The following HMG20A variants were observed in gnomAD, a reference collection of about 807,000 sequenced individuals.
The protein encoded by HMG20A is high mobility group 20A, also known as high mobility group protein 20A.
In HMG20A, 17 loss-of-function variants were observed where a neutral mutation model predicts 43.9. The ratio of observed to expected loss-of-function variants is 0.39; its 90% CI spans 0.27 to 0.58. HMG20A has a LOEUF of 0.58. HMG20A is among the 20% of genes least tolerant of loss of function. The probability of loss-of-function intolerance (pLI) is 0.59; values close to 1 mark genes in which losing one functional copy is unlikely to be tolerated. For synonymous variants in HMG20A, 132 were observed against 147.5 expected, an observed-to-expected ratio of 0.89 and a Z score of 0.76; for missense variants, 341 against 438.2, an observed-to-expected ratio of 0.78 and a Z score of 1.98.
At chr15:77,474,525 T>C (rs1193159418) in intron 6 of HMG20A, among the ~76,000 whole-genome samples, 1 of 152,236 alleles carries the variant, frequency 6.6e-6, no homozygotes, top group African/African-American at 2.4e-5. Flanking sequence ...CCATGCTACA[T>C]AGCATAAATT....
At chr15:77,447,979 G>A (rs1290510479) in intron 1 of HMG20A, among the ~76,000 whole-genome samples, 2 of 152,150 alleles carry the variant, frequency 1.3e-5, no homozygotes, top group Admixed American at 6.5e-5. Context: ...CTGATTACAA[G>A]ACTACAGTTA....
At chr15:77,426,680 A>G (rs980539214) in intron 1 of HMG20A, among the ~76,000 whole-genome samples, 2 of 152,126 alleles carry the variant, frequency 1.3e-5, no homozygotes, top group Non-Finnish European at 2.9e-5. Flanking sequence ...ATCCTGAAAT[A>G]TACACTAAAG....
rs531063896 is a variant in HMG20A at position 77,450,141 on chromosome 15, T to G, written c.-4-8263T>G. Among the ~76,000 whole-genome samples the G allele has an allele frequency of 3.9e-5, 6 of 152,254 alleles. No homozygotes were observed. In the South Asian group the frequency reaches 1.2e-3, roughly 32 times the overall value. ...TTTTATTTATTTATTTTTTTATTTG[T>G]TTTTTTGAGACAGAGTCTTGCTTTG... On this transcript the variant is annotated intron_variant, in intron 1 of 9. Coordinates refer to ENST00000336216, the MANE Select transcript of HMG20A (RefSeq NM_001304504.2).
intron 6 of HMG20A, among the ~76,000 whole-genome samples, chr15:77,472,496 G>A (rs1443113858): frequency 1.3e-5 from 2 of 152,130 alleles, no homozygotes; most frequent in Admixed American, 1.3e-4. Context: ...GGATGGTCTC[G>A]ATCTCCTGAC....
At chr15:77,486,528 G>A (rs895863329), downstream of HMG20A, among the ~76,000 whole-genome samples, 1 of 152,090 alleles carries the variant, frequency 6.6e-6, no homozygotes, top group African/African-American at 2.4e-5. Flanking sequence ...CAAAGTGCTG[G>A]GATTACAGGC....
intron 1 of HMG20A, among the ~76,000 whole-genome samples, chr15:77,436,016 A>G (rs2073543758): frequency 6.6e-6 from 1 of 152,140 alleles, no homozygotes. Context: ...ACTATCTACT[A>G]TACTTGCTGG....
chr15:77,497,682 A>AGAGAGT, the HMG20A span, among the ~76,000 whole-genome samples: 370 of 119,064 alleles, frequency 3.1e-3, 3 homozygotes, highest in East Asian at 0.024. Flanking sequence ...AGAGAGAGAG[A>AGAGAGT]GTGTGTGTGT....
At chr15:77,499,157 C>T in the HMG20A span, among the ~76,000 whole-genome samples, 1 of 152,158 alleles carries the variant, frequency 6.6e-6, no homozygotes, top group African/African-American at 2.4e-5. Context: ...CTGTGCCTTC[C>T]GTTATTCCCA....
chr15:77,493,162 CTT>C, the HMG20A span, among the ~76,000 whole-genome samples: 1 of 152,090 alleles, frequency 6.6e-6, no homozygotes, highest in Non-Finnish European at 1.5e-5. Flanking sequence ...ATTAAACAAA[CTT>C]AAGTAGATGT....
chr15:77,453,661 T>G lies in HMG20A; in HGVS notation c.-4-4743T>G, dbSNP rs866057171. Among the ~76,000 whole-genome samples, 3 of 152,044 alleles carry G rather than the reference T, an allele frequency of 2.0e-5. No homozygotes were observed. The South Asian group carries it at 6.2e-4, about 31-fold the overall frequency. On this transcript the variant is annotated intron_variant, in intron 1 of 9. Coordinates refer to ENST00000336216, the MANE Select transcript of HMG20A (RefSeq NM_001304504.2). ...AGCAGCATTCATAATAACCAAAAAGTAGAAACAACCCAAGTCTATCAACTG... is the reference window on the plus strand; with the variant it reads ...AGCAGCATTCATAATAACCAAAAAGGAGAAACAACCCAAGTCTATCAACTG...
intron 2 of HMG20A, among the ~76,000 whole-genome samples, chr15:77,462,772 C>CTTTTTTTTTTTTTTTTTTTTTTTT (rs71145836): frequency 7.8e-6 from 1 of 127,788 alleles, no homozygotes; most frequent in Non-Finnish European, 1.6e-5. Flanking sequence ...TTTTCTTTTT[C>CTTTTTTTTTTTTTTTTTTTTTTTT]TTTTTTTTTT....
intron 1 of HMG20A, among the ~76,000 whole-genome samples, chr15:77,432,667 A>G (rs2073498403): frequency 6.7e-6 from 1 of 150,280 alleles, no homozygotes; most frequent in Admixed American, 6.7e-5. Context: ...GGTTGCAGTA[A>G]GCCGAGATCG....
chr15:77,478,413 T>A lies in HMG20A; in HGVS notation c.810T>A (p.Asp270Glu). 2 of 1,613,150 alleles carry A rather than the reference T, an allele frequency of 1.2e-6. No homozygotes were observed. Among genetic ancestry groups the A allele is most frequent in the Non-Finnish European group, 1.7e-6 (2 of 1,180,032 alleles). Residue 270 changes from aspartate (D) to glutamate (E), a missense_variant, in exon 8 of 10, where the codon GAT (aspartate) becomes GAA (glutamate). Around this residue, in one of 3 missense-constraint regions of HMG20A, gnomAD observed 118 missense variants for 154.5 expected, o/e 0.76. Coordinates refer to ENST00000336216, the MANE Select transcript of HMG20A (RefSeq NM_001304504.2). ...MRTAVEKLEV[D>E]VIQERSRNTV... The stretch of plus-strand genomic sequence containing the variant: ...CAGCAGTGGAGAAGCTGGAGGTGGA[T>A]GTGATCCAGGAGCGGAGCCGCAACA...
chr15:77,450,189 G>A (rs140569098), intron 1 of HMG20A, among the ~76,000 whole-genome samples: 3,010 of 151,966 alleles, frequency 0.02, 101 homozygotes, highest in African/African-American at 0.067. Flanking sequence ...GAGTGCAGTG[G>A]CACGATCTCG....
At chr15:77,492,988 G>A in the HMG20A span, among the ~76,000 whole-genome samples, 1 of 152,164 alleles carries the variant, frequency 6.6e-6, no homozygotes, top group Admixed American at 6.5e-5. Flanking sequence ...GGGTTCACCA[G>A]GAAGGCAGTG....
intron 3 of HMG20A, among the ~76,000 whole-genome samples, chr15:77,466,313 G>A (rs1004728032): frequency 6.6e-6 from 1 of 152,104 alleles, no homozygotes; most frequent in African/African-American, 2.4e-5. Context: ...CCTGGGAGGC[G>A]GAGGTTGCGG....
chr15:77,514,871 C>A, the HMG20A span, among the ~76,000 whole-genome samples: 2 of 152,154 alleles, frequency 1.3e-5, no homozygotes, highest in African/African-American at 4.8e-5. Flanking sequence ...GGTGGCTTGA[C>A]TCTGCATGTG....
intron 1 of HMG20A, among the ~76,000 whole-genome samples, chr15:77,446,773 C>T (rs1028114062): frequency 6.6e-6 from 1 of 150,460 alleles, no homozygotes; most frequent in Non-Finnish European, 1.5e-5. Flanking sequence ...CGCCACTGCA[C>T]TCCAGCCTGG....
chr15:77,451,291 C>T (rs1002273485), intron 1 of HMG20A, among the ~76,000 whole-genome samples: 4 of 152,080 alleles, frequency 2.6e-5, no homozygotes, highest in South Asian at 2.1e-4. Context: ...GTAAGAAGTG[C>T]GATTGCTGGA....
Sources: gnomAD v4.1 joint callset for allele counts (sites outside exome capture counted in the v4.1 genomes callset) on GRCh38, gnomAD v4.1.1 for gene constraint, gnomAD v4.1.1 regional missense constraint, MANE v1.5 for transcripts, NCBI Gene and HGNC (gene_info 2026-07-23, HGNC 2026-07-21) for gene names.